The following DNAJC15 variants were observed in gnomAD, a reference collection of about 807,000 sequenced individuals.
DNAJC15 encodes the protein dnaJ homolog subfamily C member 15.
In DNAJC15, 27 loss-of-function variants were observed where a neutral mutation model predicts 22.4. The observed-to-expected ratio is 1.20, with a 90% confidence interval of 0.89 to 1.66. The LOEUF is 1.66. DNAJC15 is among the 40% of genes most tolerant of loss of function. DNAJC15 has a pLI of 0.00. For missense variants in DNAJC15, 208 were observed against 187.1 expected, an observed-to-expected ratio of 1.11 and a Z score of -0.65; for synonymous variants, 79 against 63.2, an observed-to-expected ratio of 1.25 and a Z score of -1.19.
intron 3 of DNAJC15, among the ~76,000 whole-genome samples, chr13:43,071,831 T>C (rs2153441091): frequency 6.6e-6 from 1 of 152,364 alleles, no homozygotes; most frequent in Middle Eastern, 3.4e-3. Flanking sequence ...TGTTTTTCAA[T>C]CTTATCTCTT....
Position 43,110,075 on chromosome 13 carries a change from A to G in DNAJC15, c.*2827A>G, listed in dbSNP as rs2040817410. 1 of 152,138 alleles carries G rather than the reference A, an allele frequency of 6.6e-6. No homozygotes were observed. Among genetic ancestry groups the G allele is most frequent in the African/African-American group, 2.4e-5 (1 of 41,408 alleles). The allele number at this position is 152,138 out of a possible 1,614,324, so 9.4% of individuals were successfully genotyped here. A position where few individuals can be genotyped will look rare whatever the true frequency, so the allele number is the denominator to read the frequency against. On this transcript the variant is annotated 3_prime_UTR_variant, in exon 6 of 6. Coordinates refer to ENST00000379221, the MANE Select transcript of DNAJC15 (RefSeq NM_013238.3). ...TTTTACCCTCGAATCTGCAATTTGG[A>G]TAGAACATGGTGGGGACAGCTCGTC...
chr13:43,094,973 C>CG (rs1234148355), intron 5 of DNAJC15, among the ~76,000 whole-genome samples: 1 of 152,164 alleles, frequency 6.6e-6, no homozygotes, highest in Non-Finnish European at 1.5e-5. Context: ...AGAAGTTTCC[C>CG]TGTAACACTA....
chr13:43,067,857 A>G lies in DNAJC15; in HGVS notation c.161-1073A>G, dbSNP rs568634357. On this transcript the variant is annotated intron_variant, in intron 2 of 5. Coordinates refer to ENST00000379221, the MANE Select transcript of DNAJC15 (RefSeq NM_013238.3). The stretch of plus-strand genomic sequence containing the variant: ...TTCATACTATTATAAAATCAAATGG[A>G]AGATGACATCTATGTGATAAGAGAT... Among the ~76,000 whole-genome samples the G allele has an allele frequency of 3.9e-5, 6 of 152,302 alleles. No homozygotes were observed. The South Asian group carries it at 1.2e-3, about 32-fold the overall frequency.
chr13:43,105,028 T>C (rs911232130), intron 5 of DNAJC15, among the ~76,000 whole-genome samples: 1 of 151,602 alleles, frequency 6.6e-6, no homozygotes, highest in African/African-American at 2.4e-5. Flanking sequence ...GTATGCATCC[T>C]ATCCTATGTT....
intron 1 of DNAJC15, among the ~76,000 whole-genome samples, chr13:43,064,621 T>C (rs1178246342): frequency 6.6e-6 from 1 of 152,242 alleles, no homozygotes; most frequent in Non-Finnish European, 1.5e-5. Context: ...AAAAATATAG[T>C]GGCTTAGGAA....
At chr13:43,023,808 A>G (rs1331031091) in intron 1 of DNAJC15, 74 bp downstream of exon 1, 29 of 1,353,652 alleles carry the variant, frequency 2.1e-5, no homozygotes, top group South Asian at 7.6e-5. Flanking sequence ...CTACCGCCTC[A>G]CCCTTGAACC....
At chr13:43,078,973 C>A (rs1315427053) in intron 4 of DNAJC15, 1 of 201,786 alleles carries the variant, frequency 5.0e-6, no homozygotes, top group Middle Eastern at 1.9e-3. Flanking sequence ...CCAAAATATC[C>A]TTTTTTGTGA....
intron 4 of DNAJC15, among the ~76,000 whole-genome samples, chr13:43,085,363 T>C (rs1167397614): frequency 1.3e-4 from 1 of 7,952 alleles, no homozygotes; most frequent in African/African-American, 5.8e-4. Flanking sequence ...TCCTCCTTCT[T>C]GGGGGGTGGG....
intron 5 of DNAJC15, among the ~76,000 whole-genome samples, chr13:43,091,395 G>A (rs1438191551): frequency 6.6e-6 from 1 of 152,138 alleles, no homozygotes; most frequent in Non-Finnish European, 1.5e-5. Context: ...GCCAATTCAG[G>A]TTATTTAAAA....
chr13:43,054,975 TC>T (rs1466548416), intron 1 of DNAJC15, among the ~76,000 whole-genome samples: 15 of 151,856 alleles, frequency 9.9e-5, no homozygotes, highest in African/African-American at 3.6e-4. Context: ...TCCTGGGTAA[TC>T]ACCAAACTTC....
intron 5 of DNAJC15, among the ~76,000 whole-genome samples, chr13:43,096,651 C>CAATAGTAG (rs2040741154): frequency 6.6e-6 from 1 of 152,126 alleles, no homozygotes; most frequent in Non-Finnish European, 1.5e-5. Flanking sequence ...CTGTGAGAGA[C>CAATAGTAG]AATAGTAGAT....
At position 43,098,711 on chromosome 13, in the gene DNAJC15, C is replaced by T. The variant is rs529558964; in HGVS notation, c.383-8467C>T. Among the ~76,000 whole-genome samples the T allele has an allele frequency of 2.6e-5, 4 of 152,304 alleles. No homozygotes were observed. In the South Asian group the frequency reaches 6.2e-4, roughly 24 times the overall value. On this transcript the variant is annotated intron_variant, in intron 5 of 5. Transcript: ENST00000379221. ...AAGAAACCCCTTTAGCTATTGTCCC[C>T]TCATCTTCCTGTTCTCAGTTCAGTT...
At chr13:43,080,989 G>A (rs770590177) in intron 4 of DNAJC15, among the ~76,000 whole-genome samples, 3 of 152,280 alleles carry the variant, frequency 2.0e-5, no homozygotes, top group South Asian at 2.1e-4. Flanking sequence ...TAACAGGTAG[G>A]TGAAGGCAAA....
intron 5 of DNAJC15, among the ~76,000 whole-genome samples, chr13:43,101,411 T>C (rs929831726): frequency 6.6e-6 from 1 of 152,196 alleles, no homozygotes; most frequent in Non-Finnish European, 1.5e-5. Flanking sequence ...AGTGTTATGA[T>C]TTATTATTTA....
Position 43,065,688 on chromosome 13 carries a change from A to G in DNAJC15, c.111A>G (p.Val37=). ...AATATTCATTTTTTCTTCCATAGGT[A>G]AGAAGTTTGATAGCTGTAGGACTGG... is the stretch of plus-strand genomic sequence containing the variant. ...PDADVDQQRL[V]RSLIAVGLGV... is the part of the protein sequence containing the mutation. Residue 37 remains valine (V), a splice_region_variant and synonymous_variant, in exon 2 of 6, where the codon GTA becomes GTG. Coordinates refer to ENST00000379221, the MANE Select transcript of DNAJC15 (RefSeq NM_013238.3). 1 of 1,612,754 alleles carries G rather than the reference A, an allele frequency of 6.2e-7. No individual in the cohort carries two copies. Among genetic ancestry groups the G allele is most frequent in the Non-Finnish European group, 8.5e-7 (1 of 1,179,378 alleles).
intron 1 of DNAJC15, among the ~76,000 whole-genome samples, chr13:43,057,386 A>T (rs1191128793): frequency 6.6e-6 from 1 of 151,758 alleles, no homozygotes; most frequent in Non-Finnish European, 1.5e-5. Context: ...TACTTGTTCG[A>T]TTCTGTTGTA....
At position 43,038,504 on chromosome 13, in the gene DNAJC15, C is replaced by T. The variant is rs147604985; in HGVS notation, c.108+14770C>T. Among the ~76,000 whole-genome samples, 166 of 152,228 alleles carry T rather than the reference C, an allele frequency of 1.1e-3. 1 individual carries two copies. Among genetic ancestry groups the T allele is most frequent in the African/African-American group, 3.6e-3 (148 of 41,538 alleles). ...AAACATAGGAGTATTAAAAATACGA[C>T]TGGGGAGGCCAGGTGCGGTGGCTCA... On this transcript the variant is annotated intron_variant, in intron 1 of 5. Transcript: ENST00000379221.
At chr13:43,066,035 T>C (rs2040581955) in intron 2 of DNAJC15, among the ~76,000 whole-genome samples, 1 of 152,216 alleles carries the variant, frequency 6.6e-6, no homozygotes, top group South Asian at 2.1e-4. Flanking sequence ...ATTTTAATAT[T>C]ATGCAATGTA....
At chr13:43,088,886 G>A (rs1288276273) in intron 5 of DNAJC15, among the ~76,000 whole-genome samples, 1 of 150,562 alleles carries the variant, frequency 6.6e-6, no homozygotes, top group Admixed American at 6.6e-5. Context: ...GTTTTGGAGG[G>A]TTCATCTTTC....
Sources: allele counts gnomAD v4.1 joint callset (sites outside exome capture counted in the v4.1 genomes callset), GRCh38; gene constraint gnomAD v4.1.1; transcripts MANE v1.5; gene names NCBI Gene and HGNC (gene_info 2026-07-23, HGNC 2026-07-21).